PKHD1: variants seen among roughly 807,000 people sequenced by gnomAD.
The protein encoded by PKHD1 is PKHD1 ciliary IPT domain containing fibrocystin/polyductin.
In PKHD1, 291 loss-of-function variants were observed where a neutral mutation model predicts 412.0. The ratio of observed to expected loss-of-function variants is 0.71; its 90% confidence interval spans 0.64 to 0.78. PKHD1 has a LOEUF of 0.78. Ranked by LOEUF, PKHD1 falls within the 30% of genes least tolerant of loss-of-function variation. The probability of loss-of-function intolerance (pLI) is 0.00; values close to 1 mark genes in which losing one functional copy is unlikely to be tolerated. For missense variants in PKHD1, 4,825 were observed against 4,950.7 expected (o/e 0.97, Z 0.76); for synonymous variants, 1,777 against 1,821.5 (o/e 0.98, Z 0.62).
At chr6:51,809,722 A>C (rs1471123010) in intron 52 of PKHD1, among the ~76,000 whole-genome samples, 56 of 151,916 alleles carry the variant, frequency 3.7e-4, no homozygotes, top group Non-Finnish European at 1.3e-4. Context: ...GTTTATATCT[A>C]GGTATTTTAC....
chr6:51,752,814 G>T (rs72899402), intron 57 of PKHD1, among the ~76,000 whole-genome samples: 53 of 152,124 alleles, frequency 3.5e-4, no homozygotes, highest in African/African-American at 1.3e-3. Context: ...TTAAATTTAC[G>T]CTATTAATTT....
intron 35 of PKHD1, among the ~76,000 whole-genome samples, chr6:52,008,284 A>G (rs1799347721): frequency 6.6e-6 from 1 of 152,212 alleles, no homozygotes; most frequent in African/African-American, 2.4e-5. Flanking sequence ...CATCTCTGAA[A>G]TGAACTGGCC....
intron 60 of PKHD1, among the ~76,000 whole-genome samples, chr6:51,700,045 G>C (rs1779249426): frequency 6.6e-6 from 1 of 151,148 alleles, no homozygotes; most frequent in African/African-American, 2.4e-5. Flanking sequence ...AGGAGAACTT[G>C]GCCTTGTTTT....
chr6:52,042,976 G>A lies in PKHD1; in HGVS notation c.2980C>T (p.Arg994Trp), dbSNP rs757854282. 33 of 1,613,974 alleles carry A rather than the reference G, an allele frequency of 2.0e-5. No homozygotes were observed. The highest frequency in any genetic ancestry group is 4.5e-5 in the East Asian group (2 of 44,884). ...QTDLLPVGMH[R>W]ILMLVRPSGL... ...GAGGGTCTCACCAACATCAAGATCCGATGCATTCCAACAGGTAGCAAATCT... is the reference window on the plus strand; with the variant it reads ...GAGGGTCTCACCAACATCAAGATCCAATGCATTCCAACAGGTAGCAAATCT... The change falls in exon 27 of 67, where the codon CGG becomes TGG. Residue 994 changes from arginine (R) to tryptophan (W), a missense_variant. Transcript: ENST00000371117.
intron 22 of PKHD1, among the ~76,000 whole-genome samples, chr6:52,048,893 C>T (rs1211342480): frequency 1.3e-5 from 2 of 152,178 alleles, no homozygotes; most frequent in Non-Finnish European, 2.9e-5. Flanking sequence ...AGATGTCTCA[C>T]CTCTTCATTT....
intron 23 of PKHD1, 141 bp downstream of exon 23, chr6:52,048,351 T>C (rs1806191016): frequency 4.4e-6 from 4 of 903,218 alleles, no homozygotes; most frequent in Non-Finnish European, 7.4e-6. Context: ...ACTTTAAGAA[T>C]GTCACTTTCA....
chr6:51,812,221 C>T (rs1764808265), intron 52 of PKHD1, among the ~76,000 whole-genome samples: 1 of 152,158 alleles, frequency 6.6e-6, no homozygotes. Context: ...GTTTCAGTAC[C>T]ATTTGCAAAG....
chr6:51,847,651 A>G (rs924747442), intron 50 of PKHD1, 124 bp downstream of exon 50: 1 of 776,876 alleles, frequency 1.3e-6, no homozygotes, highest in African/African-American at 1.7e-5. Flanking sequence ...CATTCACTCA[A>G]CCATAACACA....
chr6:51,980,362 T>G (rs1402767138), intron 35 of PKHD1, among the ~76,000 whole-genome samples: 1 of 152,226 alleles, frequency 6.6e-6, no homozygotes, highest in East Asian at 1.9e-4. Context: ...AGCACTTATT[T>G]ATAATTTGCA....
intron 53 of PKHD1, among the ~76,000 whole-genome samples, chr6:51,782,369 T>C (rs2151200595): frequency 6.6e-6 from 1 of 152,296 alleles, no homozygotes; most frequent in African/African-American, 2.4e-5. Context: ...CTTAATATCA[T>C]TTTGAAATAA....
In PKHD1 at chr6:51,748,346, G is replaced by A. The variant is rs769571577; in HGVS notation, c.9270C>T (p.Asn3090=). The A allele has an allele frequency of 6.2e-7, 1 of 1,614,078 alleles. No homozygotes were observed. Among genetic ancestry groups the A allele is most frequent in the Non-Finnish European group, 8.5e-7 (1 of 1,179,954 alleles). ...ATCCTGCCACAACGTTGCCATGGAG[G>A]TTGATGTCCTTTACCTGGTTCACTT... ...GIKVNQVKDI[N]LHGNVVAGSE... The change falls in exon 58 of 67, where the codon AAC becomes AAT. Residue 3090 remains asparagine (N), a synonymous_variant. Transcript: ENST00000371117.
chr6:51,890,637 C>T (rs1778962305), intron 43 of PKHD1, among the ~76,000 whole-genome samples: 1 of 151,952 alleles, frequency 6.6e-6, no homozygotes, highest in Admixed American at 6.6e-5. Flanking sequence ...CCAGATTTAA[C>T]TAAGGAGTTG....
At position 51,847,966 on chromosome 6, in the gene PKHD1, G is replaced by T. The variant is rs181208607; in HGVS notation, c.7916C>A (p.Ser2639Ter). The T allele has an allele frequency of 1.6e-5, 26 of 1,611,944 alleles. No homozygotes were observed. The highest frequency in any genetic ancestry group is 3.3e-5 in the Admixed American group (2 of 60,008). Residue 2639 changes from serine to a stop codon, truncating the protein, a stop_gained, in exon 50 of 67, where the codon TCA becomes TAA. Coordinates refer to ENST00000371117, the MANE Select transcript of PKHD1 (RefSeq NM_138694.4). LOFTEE classifies it high-confidence loss of function. ...NLWINRSLQY[S>*]ATFDNFAPGN... is the part of the protein sequence containing the mutation. Reference sequence around the variant, plus strand: ...AGGAGCAAAGTTGTCAAAGGTTGCTGAGTACTTGAAGTGAAAGAAAAACAC... The same window carrying T: ...AGGAGCAAAGTTGTCAAAGGTTGCTTAGTACTTGAAGTGAAAGAAAAACAC...
chr6:52,086,513 T>G (rs1488860593), intron 1 of PKHD1, among the ~76,000 whole-genome samples: 1 of 151,930 alleles, frequency 6.6e-6, no homozygotes, highest in Non-Finnish European at 1.5e-5. Context: ...AAAAAAAAAA[T>G]CTGCAAAAAC....
At chr6:51,672,143 C>G (rs1009502470) in intron 60 of PKHD1, among the ~76,000 whole-genome samples, 4 of 152,120 alleles carry the variant, frequency 2.6e-5, no homozygotes, top group African/African-American at 9.7e-5. Context: ...ATGTTCATAA[C>G]ACAGTGTGAC....
At chr6:51,776,242 T>A (rs1791006328) in intron 53 of PKHD1, among the ~76,000 whole-genome samples, 1 of 152,050 alleles carries the variant, frequency 6.6e-6, no homozygotes, top group African/African-American at 2.4e-5. Context: ...GGTAGGAATA[T>A]TAGTTTTCAG....
intron 45 of PKHD1, among the ~76,000 whole-genome samples, chr6:51,885,081 TA>T (rs1334052851): frequency 6.6e-6 from 1 of 152,228 alleles, no homozygotes; most frequent in Non-Finnish European, 1.5e-5. Flanking sequence ...CTGAAGGCTC[TA>T]CAAACATAGT....
chr6:51,640,202 C>T (rs1232200438), intron 63 of PKHD1, among the ~76,000 whole-genome samples: 5 of 152,082 alleles, frequency 3.3e-5, no homozygotes, highest in Admixed American at 2.0e-4. Context: ...CTTTGACAAA[C>T]GTCTTTATTG....
chr6:52,024,292 G>T (rs1801818125), intron 32 of PKHD1, among the ~76,000 whole-genome samples: 1 of 152,084 alleles, frequency 6.6e-6, no homozygotes, highest in South Asian at 2.1e-4. Flanking sequence ...CTTACAAATG[G>T]TGTTATTTAA....
Sources: allele counts gnomAD v4.1 joint callset (sites outside exome capture counted in the v4.1 genomes callset), GRCh38; gene constraint gnomAD v4.1.1; transcripts MANE v1.5; gene names NCBI Gene and HGNC (gene_info 2026-07-23, HGNC 2026-07-21).